Variants in ME3 observed in about 807,000 individuals in gnomAD.
ME3 encodes NADP-dependent malic enzyme, mitochondrial.
A neutral mutation model predicts 68.9 loss-of-function variants in ME3; 48 were observed. That is an observed-to-expected ratio of 0.70 (90% CI 0.55 to 0.89). The LOEUF (loss-of-function observed/expected upper bound fraction) is 0.89, where lower values mean the gene tolerates loss of function less well. Ranked by LOEUF, ME3 falls within the 40% of genes least tolerant of loss-of-function variation. ME3 has a pLI of 0.00. For synonymous variants in ME3, 320 were observed against 318.8 expected, an observed-to-expected ratio of 1.00 and a Z score of -0.04; for missense variants, 675 against 797.4, an observed-to-expected ratio of 0.85 and a Z score of 1.85.
At chr11:86,652,806 C>G (rs572426558) in intron 2 of ME3, among the ~76,000 whole-genome samples, 41 of 151,974 alleles carry the variant, frequency 2.7e-4, no homozygotes, top group Middle Eastern at 3.4e-3. Context: ...TGGCAAATTG[C>G]ATAAAGAGTC....
At chr11:86,528,630 A>G (rs187223428) in intron 4 of ME3, among the ~76,000 whole-genome samples, 1 of 152,262 alleles carries the variant, frequency 6.6e-6, no homozygotes, top group African/African-American at 2.4e-5. Flanking sequence ...AGCAAATGTA[A>G]AAGAACAGAA....
At chr11:86,489,851 T>C (rs1311128086) in intron 6 of ME3, among the ~76,000 whole-genome samples, 1 of 152,098 alleles carries the variant, frequency 6.6e-6, no homozygotes, top group African/African-American at 2.4e-5. Context: ...CCCCAGTACC[T>C]TTCTCACTCA....
At chr11:86,666,681 G>A (rs944230806) in intron 2 of ME3, among the ~76,000 whole-genome samples, 8 of 152,298 alleles carry the variant, frequency 5.3e-5, no homozygotes, top group Admixed American at 3.9e-4. Context: ...CTCAAATCTA[G>A]AGTAAATTGC....
intron 7 of ME3, among the ~76,000 whole-genome samples, chr11:86,483,276 G>A (rs1951513778): frequency 6.6e-6 from 1 of 152,184 alleles, no homozygotes; most frequent in South Asian, 2.1e-4. Context: ...TCCCATTTAG[G>A]TTGAAGTGAC....
chr11:86,465,153 T>C (rs1365338650), exon 8 of ME3: 9 of 1,613,974 alleles, frequency 5.6e-6, no homozygotes, highest in African/African-American at 2.7e-5. Context: ...GCGGAAGGCA[T>C]TGGCATTGGC....
At chr11:86,453,610 A>C (rs553352180) in intron 8 of ME3, among the ~76,000 whole-genome samples, 1 of 152,220 alleles carries the variant, frequency 6.6e-6, no homozygotes, top group African/African-American at 2.4e-5. Context: ...AATTTTAGAT[A>C]AACAACAAGA....
chr11:86,590,212 C>G (rs1164676731), intron 2 of ME3, among the ~76,000 whole-genome samples: 7 of 152,168 alleles, frequency 4.6e-5, no homozygotes, highest in Non-Finnish European at 8.8e-5. Flanking sequence ...CAGAGACTTC[C>G]ATGACTTCAT....
At chr11:86,546,172 G>A (rs921720490) in intron 4 of ME3, among the ~76,000 whole-genome samples, 8 of 152,114 alleles carry the variant, frequency 5.3e-5, no homozygotes, top group Admixed American at 5.2e-4. Flanking sequence ...ACTCAAGATG[G>A]ATTAAAGACT....
intron 8 of ME3, among the ~76,000 whole-genome samples, chr11:86,463,680 G>T (rs939342703): frequency 6.6e-6 from 1 of 152,204 alleles, no homozygotes. Context: ...TTTTCTAATA[G>T]TGTGTTCTAA....
chr11:86,630,513 C>A (rs1943947255), intron 2 of ME3, among the ~76,000 whole-genome samples: 1 of 152,208 alleles, frequency 6.6e-6, no homozygotes, highest in Non-Finnish European at 1.5e-5. Flanking sequence ...TTTAAACAGC[C>A]ACAAGTGCTT....
intron 2 of ME3, among the ~76,000 whole-genome samples, chr11:86,649,519 G>T (rs184724505): frequency 6.6e-6 from 1 of 152,124 alleles, no homozygotes; most frequent in Non-Finnish European, 1.5e-5. Context: ...AGAGGAAGTC[G>T]GATTGTCTCT....
intron 7 of ME3, among the ~76,000 whole-genome samples, chr11:86,485,597 A>G (rs1951638415): frequency 6.6e-6 from 1 of 152,006 alleles, no homozygotes; most frequent in African/African-American, 2.4e-5. Context: ...ATCCAACTCA[A>G]CAGTTTCTAA....
At chr11:86,628,682 C>T (rs10219378) in intron 2 of ME3, among the ~76,000 whole-genome samples, 32,576 of 152,088 alleles carry the variant, frequency 0.21, 3,737 homozygotes, top group East Asian at 0.4. Flanking sequence ...TGTTCACCTG[C>T]CTAGGAACTC....
chr11:86,517,936 A>G (rs921894621), intron 4 of ME3, among the ~76,000 whole-genome samples: 1 of 152,222 alleles, frequency 6.6e-6, no homozygotes, highest in African/African-American at 2.4e-5. Context: ...GCATATAATA[A>G]TGTTTACTTC....
chr11:86,440,915 T>A (rs972143943), downstream of ME3, among the ~76,000 whole-genome samples: 1 of 152,210 alleles, frequency 6.6e-6, no homozygotes, highest in Non-Finnish European at 1.5e-5. Context: ...TTCATGAACT[T>A]ACCACTTTCT....
chr11:86,670,876 G>A (rs752448659), intron 2 of ME3, among the ~76,000 whole-genome samples: 1 of 152,182 alleles, frequency 6.6e-6, no homozygotes, highest in Non-Finnish European at 1.5e-5. Context: ...TAGAAATGGT[G>A]GGTCTATCAT....
intron 2 of ME3, among the ~76,000 whole-genome samples, chr11:86,668,573 A>C (rs904049143): frequency 2.0e-5 from 3 of 152,180 alleles, no homozygotes; most frequent in Non-Finnish European, 4.4e-5. Flanking sequence ...GCTGTCTCCT[A>C]TGATCCTCAA....
chr11:86,564,920 G>T (rs1252162331), intron 2 of ME3, among the ~76,000 whole-genome samples: 2 of 152,086 alleles, frequency 1.3e-5, no homozygotes, highest in African/African-American at 4.8e-5. Context: ...CTGTAGAATG[G>T]AATAAAATAC....
chr11:86,613,002 G>A (rs867156597), intron 2 of ME3, among the ~76,000 whole-genome samples: 2 of 152,068 alleles, frequency 1.3e-5, no homozygotes. Flanking sequence ...TGTCCTGAAT[G>A]GTATTGTCTA....
Sources: gnomAD v4.1 joint callset for allele counts (sites outside exome capture counted in the v4.1 genomes callset) on GRCh38, gnomAD v4.1.1 for gene constraint, MANE v1.5 for transcripts, NCBI Gene and HGNC (gene_info 2026-07-23, HGNC 2026-07-21) for gene names.